Variants in GRM8 observed in about 807,000 individuals in gnomAD.
GRM8 encodes metabotropic glutamate receptor 8.
Under a neutral mutation model 87.2 loss-of-function variants are expected in GRM8, and 47 were observed. The ratio of observed to expected loss-of-function variants is 0.54; its 90% CI spans 0.43 to 0.69. The LOEUF (loss-of-function observed/expected upper bound fraction) is 0.69. GRM8 is among the 30% of genes least tolerant of loss of function. The pLI is 0.00. For synonymous variants in GRM8, 396 were observed against 404.5 expected, an observed-to-expected ratio of 0.98 and a Z score of 0.25; for missense variants, 1,019 against 1,139.2, an observed-to-expected ratio of 0.89 and a Z score of 1.52.
chr7:126,769,819 C>G, intron 7 of GRM8, 46 bp downstream of exon 7: 1 of 1,274,824 alleles, frequency 7.8e-7, no homozygotes, highest in Non-Finnish European at 1.1e-6. Flanking sequence ...GAAAAACACA[C>G]CCTGTCGCTT....
At chr7:126,872,340 T>C (rs1480545708) in intron 6 of GRM8, among the ~76,000 whole-genome samples, 1 of 152,112 alleles carries the variant, frequency 6.6e-6, no homozygotes, top group African/African-American at 2.4e-5. Context: ...CTTAGAACCA[T>C]AGGGAAAAAG....
intron 7 of GRM8, among the ~76,000 whole-genome samples, chr7:126,643,674 A>T (rs952824808): frequency 3.3e-5 from 5 of 152,046 alleles, no homozygotes; most frequent in Non-Finnish European, 5.9e-5. Flanking sequence ...AATTACTGTC[A>T]AAAACTTCCA....
intron 7 of GRM8, among the ~76,000 whole-genome samples, chr7:126,702,896 C>A (rs1459608180): frequency 6.6e-6 from 1 of 152,020 alleles, no homozygotes; most frequent in Admixed American, 6.6e-5. Context: ...AGTCATGTGG[C>A]AAATAAGGGG....
At chr7:126,818,803 G>C (rs2151757485) in intron 6 of GRM8, among the ~76,000 whole-genome samples, 1 of 152,284 alleles carries the variant, frequency 6.6e-6, no homozygotes, top group African/African-American at 2.4e-5. Flanking sequence ...GGAAATGATA[G>C]TAGTAAGGTG....
chr7:126,878,511 G>C (rs1204532), intron 6 of GRM8, among the ~76,000 whole-genome samples: 1 of 149,640 alleles, frequency 6.7e-6, no homozygotes, highest in Non-Finnish European at 1.5e-5. Flanking sequence ...ATATATCGTC[G>C]TCTTCTTCTT....
chr7:126,883,909 C>T (rs533703892), intron 6 of GRM8, among the ~76,000 whole-genome samples: 27 of 152,170 alleles, frequency 1.8e-4, no homozygotes, highest in Admixed American at 1.4e-3. Context: ...TTTTTAAGCA[C>T]ATTTTCTGAA....
intron 2 of GRM8, among the ~76,000 whole-genome samples, chr7:127,139,790 C>G (rs1828156236): frequency 6.6e-6 from 1 of 152,092 alleles, no homozygotes; most frequent in Admixed American, 6.5e-5. Context: ...ACTTTAAGCT[C>G]TTTCTATCGG....
intron 7 of GRM8, among the ~76,000 whole-genome samples, chr7:126,611,950 A>G (rs1312885536): frequency 1.3e-5 from 2 of 152,214 alleles, no homozygotes; most frequent in Non-Finnish European, 1.5e-5. Flanking sequence ...CATTGTATTA[A>G]GGTGCAATAT....
chr7:126,621,464 G>A (rs1251924792), intron 7 of GRM8, among the ~76,000 whole-genome samples: 1 of 152,088 alleles, frequency 6.6e-6, no homozygotes, highest in African/African-American at 2.4e-5. Flanking sequence ...TGTCCTCCAG[G>A]CTGGAGTGAA....
chr7:126,651,603 T>A (rs1315689437), intron 7 of GRM8, among the ~76,000 whole-genome samples: 1 of 152,122 alleles, frequency 6.6e-6, no homozygotes, highest in African/African-American at 2.4e-5. Flanking sequence ...GAGGGAGGAA[T>A]GCTGCCACCA....
At position 126,893,337 on chromosome 7, in the gene GRM8, A is replaced by G. The variant is rs1445704776; in HGVS notation, c.1156+9205T>C. ...GGACTATATGTGTTTCTAGAATCAT[A>G]TTCCCATTTAAATTAGCATCGCAGT... is the stretch of plus-strand genomic sequence containing the variant. On this transcript the variant is annotated intron_variant, in intron 6 of 10. Coordinates refer to ENST00000339582, the MANE Select transcript of GRM8 (RefSeq NM_000845.3). 9.2e-5 allele frequency among the ~76,000 whole-genome samples: 14 copies of G among 152,180 alleles called. No individual in the cohort carries two copies. The South Asian group carries it at 2.9e-3, about 32-fold the overall frequency.
chr7:127,220,235 C>T lies in GRM8; in HGVS notation c.510+22460G>A, dbSNP rs76860759. Among the ~76,000 whole-genome samples, 839 of 152,230 alleles carry T rather than the reference C, an allele frequency of 5.5e-3. 11 individuals carry two copies. Among genetic ancestry groups the T allele is most frequent in the African/African-American group, 0.019 (783 of 41,520 alleles). Reference sequence around the variant, plus strand: ...TTTCTCACTAGCCCCCAGAGCTGTCCAGTTCCAGCACATGGACATATATGA... The same window carrying T: ...TTTCTCACTAGCCCCCAGAGCTGTCTAGTTCCAGCACATGGACATATATGA... On this transcript the variant is annotated intron_variant, in intron 2 of 10. Coordinates refer to ENST00000339582, the MANE Select transcript of GRM8 (RefSeq NM_000845.3).
At chr7:126,980,375 G>A (rs1339769600) in intron 3 of GRM8, among the ~76,000 whole-genome samples, 1 of 152,148 alleles carries the variant, frequency 6.6e-6, no homozygotes, top group Non-Finnish European at 1.5e-5. Context: ...TAGCTTCATG[G>A]TAACAAGATA....
intron 3 of GRM8, among the ~76,000 whole-genome samples, chr7:127,084,026 A>G (rs892801199): frequency 2.0e-5 from 3 of 152,206 alleles, no homozygotes; most frequent in Non-Finnish European, 4.4e-5. Context: ...CAGAGATACA[A>G]ACTTCTAGAG....
intron 6 of GRM8, among the ~76,000 whole-genome samples, chr7:126,864,816 A>C (rs1455721296): frequency 6.6e-6 from 1 of 152,126 alleles, no homozygotes; most frequent in Non-Finnish European, 1.5e-5. Flanking sequence ...CCTACAAGAA[A>C]TCATTTCTAT....
intron 7 of GRM8, among the ~76,000 whole-genome samples, chr7:126,619,116 A>G (rs1331336208): frequency 6.6e-6 from 1 of 152,232 alleles, no homozygotes; most frequent in Admixed American, 6.5e-5. Context: ...AAAGACTTGG[A>G]ACTAACCCAA....
intron 8 of GRM8, among the ~76,000 whole-genome samples, chr7:126,545,232 T>A (rs1347494662): frequency 6.6e-6 from 1 of 152,154 alleles, no homozygotes; most frequent in Non-Finnish European, 1.5e-5. Flanking sequence ...CCTGTAATAT[T>A]TTGGGTAAAT....
At chr7:126,925,375 T>C (rs756397703) in intron 3 of GRM8, among the ~76,000 whole-genome samples, 4 of 152,160 alleles carry the variant, frequency 2.6e-5, no homozygotes, top group African/African-American at 4.8e-5. Flanking sequence ...ATTAAATATC[T>C]AACTCTTCTA....
chr7:127,250,413 A>C (rs1472201465), intron 1 of GRM8, among the ~76,000 whole-genome samples: 1 of 152,218 alleles, frequency 6.6e-6, no homozygotes, highest in Non-Finnish European at 1.5e-5. Flanking sequence ...AATTGAGCCT[A>C]AGGAACAGTA....
Sources: gnomAD v4.1 joint callset for allele counts (sites outside exome capture counted in the v4.1 genomes callset) on GRCh38, gnomAD v4.1.1 for gene constraint, MANE v1.5 for transcripts, NCBI Gene and HGNC (gene_info 2026-07-23, HGNC 2026-07-21) for gene names.